CTNND1: variants seen among roughly 807,000 people sequenced by gnomAD.
The protein encoded by CTNND1 is catenin delta-1.
CTNND1 carries 16 observed loss-of-function variants against 112.1 expected under a neutral mutation model. The ratio of observed to expected loss-of-function variants is 0.14; its 90% CI spans 0.10 to 0.22. The LOEUF (loss-of-function observed/expected upper bound fraction) is 0.22, where lower values mean the gene tolerates loss of function less well. CTNND1 is among the 10% of genes least tolerant of loss of function. The pLI, the probability that CTNND1 is intolerant of heterozygous loss-of-function variation, is 1.00. For missense variants in CTNND1, 1,008 were observed against 1,257.0 expected (o/e 0.80, Z 3.00); for synonymous variants, 420 against 446.5 (o/e 0.94, Z 0.75).
At chr11:57,801,515 G>C (rs1195005878) in intron 6 of CTNND1, among the ~76,000 whole-genome samples, 1 of 152,146 alleles carries the variant, frequency 6.6e-6, no homozygotes, top group Non-Finnish European at 1.5e-5. Context: ...AAAAAATGTA[G>C]TTTTAATTAA....
chr11:57,762,284 C>T lies in CTNND1; in HGVS notation c.-214+165C>T, dbSNP rs1052586358. ...AAGACCTAGAAACAAACTTCTAGGT[C>T]TCTTTAATACAGGAAGCTGAATAGA... is the stretch of plus-strand genomic sequence containing the variant. On this transcript the variant is annotated intron_variant, in intron 1 of 20. Transcript: ENST00000399050. Among the ~76,000 whole-genome samples the T allele has an allele frequency of 2.0e-5, 3 of 152,256 alleles. No individual in the cohort carries two copies. In the East Asian group the frequency reaches 5.8e-4, roughly 29 times the overall value.
At position 57,796,938 on chromosome 11, in the gene CTNND1, A is replaced by T; in HGVS notation, c.902A>T (p.Asp301Val). Residue 301 changes from aspartate to valine, a missense_variant, in exon 6 of 21, where the codon GAT (aspartate) becomes GTT (valine). Coordinates refer to ENST00000399050, the MANE Select transcript of CTNND1 (RefSeq NM_001085458.2). ...YDDLDYGMMS[D>V]YGTARRTGTP... is the part of the protein sequence containing the mutation. Reference sequence around the variant, plus strand: ...GACCTGGATTATGGTATGATGTCTGATTATGGCACTGCCCGTCGGACTGGG... The same window carrying T: ...GACCTGGATTATGGTATGATGTCTGTTTATGGCACTGCCCGTCGGACTGGG... The T allele has an allele frequency of 6.4e-7, 1 of 1,552,278 alleles. No homozygotes were observed. Among genetic ancestry groups the T allele is most frequent in the Non-Finnish European group, 8.8e-7 (1 of 1,142,172 alleles).
intron 12 of CTNND1, among the ~76,000 whole-genome samples, chr11:57,807,733 A>G (rs1397982055): frequency 6.6e-6 from 1 of 152,110 alleles, no homozygotes; most frequent in Non-Finnish European, 1.5e-5. Flanking sequence ...TAAAAATTGT[A>G]AACGTTTAAT....
rs1288835392 is a variant in CTNND1 at position 57,796,746 on chromosome 11, T to C, written c.710T>C (p.Ile237Thr). ...GGCAGTCTGTCCCGGGTGACCCGCA[T>C]TGAGGAGCGGTATAGGCCCAGCATG... ...NYGSLSRVTR[I>T]EERYRPSMEG... Residue 237 changes from isoleucine to threonine, a missense_variant, in exon 6 of 21, where the codon ATT becomes ACT. Ile to Thr is a moderately conservative substitution (Grantham distance 89, BLOSUM62 -1). Around this residue, in one of 5 missense-constraint regions of CTNND1, gnomAD observed 404 missense variants for 457.9 expected, o/e 0.88. Transcript: ENST00000399050. 2 of 1,613,660 alleles carry C rather than the reference T, an allele frequency of 1.2e-6. No individual in the cohort carries two copies. Among genetic ancestry groups the C allele is most frequent in the African/African-American group, 2.7e-5 (2 of 74,912 alleles).
At chr11:57,779,850 C>T (rs1396821726) in intron 1 of CTNND1, among the ~76,000 whole-genome samples, 2 of 151,978 alleles carry the variant, frequency 1.3e-5, no homozygotes, top group Non-Finnish European at 2.9e-5. Context: ...CACCTTTCCT[C>T]CTGAGTACTA....
chr11:57,800,727 A>T (rs1177854367), intron 6 of CTNND1, among the ~76,000 whole-genome samples: 1 of 152,186 alleles, frequency 6.6e-6, no homozygotes, highest in East Asian at 1.9e-4. Context: ...TTTGTAGAAC[A>T]AACAATGGCT....
Position 57,814,291 on chromosome 11 carries a change from A to T in CTNND1, c.2639-20A>T. The stretch of plus-strand genomic sequence containing the variant: ...TTGAAGAATTGTTTTTGACATGGAT[A>T]ACTTTCTGACTTCATACAGATAAGA... On this transcript the variant is annotated intron_variant, in intron 17 of 20. Coordinates refer to ENST00000399050, the MANE Select transcript of CTNND1 (RefSeq NM_001085458.2). 1.3e-6 allele frequency: 2 copies of T among 1,593,636 alleles called. No homozygotes were observed. Among genetic ancestry groups the T allele is most frequent in the Non-Finnish European group, 1.7e-6 (2 of 1,164,076 alleles).
chr11:57,764,126 A>T (rs1950507745), intron 1 of CTNND1: 1 of 152,086 alleles, frequency 6.6e-6, no homozygotes, highest in African/African-American at 2.4e-5. Flanking sequence ...GTAAAAAATG[A>T]TGATAGGTAA....
rs756510427 is a variant in CTNND1 at position 57,807,015 on chromosome 11, A to G, written c.1963+32A>G. ...TATCTTCTCAGTCTCCAAAGGTCTC[A>G]TAAACATAGTACAAAGATAAGATAT... On this transcript the variant is annotated intron_variant, in intron 12 of 20. Transcript: ENST00000399050. The G allele has an allele frequency of 5.3e-6, 8 of 1,504,352 alleles. No homozygotes were observed. In the South Asian group the frequency reaches 9.5e-5, roughly 18 times the overall value. 93.2% of individuals were successfully genotyped at this position (1,504,352 alleles called of 1,614,324 possible). A position where few individuals can be genotyped will look rare whatever the true frequency, so the allele number is the denominator to read the frequency against.
At chr11:57,772,524 A>G (rs1952952101) in intron 1 of CTNND1, among the ~76,000 whole-genome samples, 1 of 152,088 alleles carries the variant, frequency 6.6e-6, no homozygotes, top group Non-Finnish European at 1.5e-5. Context: ...TCTGTCTTGC[A>G]CATTGGGAGA....
intron 1 of CTNND1, among the ~76,000 whole-genome samples, chr11:57,770,169 A>G (rs1952197032): frequency 6.6e-6 from 1 of 151,792 alleles, no homozygotes; most frequent in Non-Finnish European, 1.5e-5. Context: ...GTCTCTACTA[A>G]AAATACAAAA....
Position 57,776,027 on chromosome 11 carries a change from C to T in CTNND1, c.-213-13010C>T, listed in dbSNP as rs182071738. ...GGAAGAAACTGAAACTCATTTGACA[C>T]GGAGCGGGGTAAGTTGTGGAAAGGA... On this transcript the variant is annotated intron_variant, in intron 1 of 20. Coordinates refer to ENST00000399050, the MANE Select transcript of CTNND1 (RefSeq NM_001085458.2). Among the ~76,000 whole-genome samples the T allele has an allele frequency of 2.2e-4, 34 of 152,216 alleles. No individual in the cohort carries two copies. In the East Asian group the frequency reaches 3.1e-3, roughly 14 times the overall value.
At chr11:57,791,725 A>T in intron 3 of CTNND1, 52 bp downstream of exon 3, 2 of 1,473,674 alleles carry the variant, frequency 1.4e-6, no homozygotes, top group Non-Finnish European at 1.8e-6. Flanking sequence ...ATGGTCACAG[A>T]GAGGCTATGA....
In CTNND1 at chr11:57,788,707, GT is replaced by G. The variant is rs1180390700; in HGVS notation, c.-213-323del. On this transcript the variant is annotated intron_variant, in intron 1 of 20. Transcript: ENST00000399050. The surrounding 1 kb of genome is among the most constrained non-coding windows in gnomAD (Gnocchi z 4.1). ...GAGGGGGAAGGGCATTCCAACAGCA[GT>G]TTTTTTCTTTTTCCCCAATTTGGTT... Among the ~76,000 whole-genome samples the G allele has an allele frequency of 6.6e-6, 1 of 152,088 alleles. No individual in the cohort carries two copies. Among genetic ancestry groups the G allele is most frequent in the Non-Finnish European group, 1.5e-5 (1 of 68,008 alleles).
rs79623260 is a variant in CTNND1, at chr11:57,792,409, C to T, written c.195+736C>T. Among the ~76,000 whole-genome samples the T allele has an allele frequency of 9.3e-4, 141 of 152,272 alleles. 5 individuals carry two copies. In the East Asian group the frequency reaches 0.023, roughly 25 times the overall value. ...GTAATCTGTCTGAGGTTTTGTCTGT[C>T]TTCCTCTGTGTGTGTGTGCGTGTGT... On this transcript the variant is annotated intron_variant, in intron 3 of 20. Coordinates refer to ENST00000399050, the MANE Select transcript of CTNND1 (RefSeq NM_001085458.2).
chr11:57,782,981 G>T (rs2059736952), intron 1 of CTNND1, among the ~76,000 whole-genome samples: 1 of 152,212 alleles, frequency 6.6e-6, no homozygotes, highest in Non-Finnish European at 1.5e-5. Flanking sequence ...GAACTGTTCT[G>T]ACTGAGCATG....
At chr11:57,811,152 C>G (rs905722806) in intron 16 of CTNND1, among the ~76,000 whole-genome samples, 5 of 152,044 alleles carry the variant, frequency 3.3e-5, no homozygotes, top group African/African-American at 4.8e-5. Context: ...TTTTACTATT[C>G]TCTGAAACTG....
At chr11:57,794,884 A>C (rs1157111529) in intron 4 of CTNND1, among the ~76,000 whole-genome samples, 2 of 119,708 alleles carry the variant, frequency 1.7e-5, no homozygotes, top group Non-Finnish European at 3.9e-5. Flanking sequence ...ACTCCGTCTC[A>C]AAAAAAAAAA....
At chr11:57,779,547 C>A (rs141573956) in intron 1 of CTNND1, among the ~76,000 whole-genome samples, 5 of 152,192 alleles carry the variant, frequency 3.3e-5, no homozygotes, top group African/African-American at 1.2e-4. Context: ...AGGACAGCTG[C>A]CCTAGAGGCA....
Sources: gnomAD v4.1 joint callset for allele counts (sites outside exome capture counted in the v4.1 genomes callset) on GRCh38, gnomAD v4.1.1 for gene constraint, gnomAD v4.1.1 regional missense constraint, Gnocchi (gnomAD v3.1) non-coding constraint, MANE v1.5 for transcripts, NCBI Gene and HGNC (gene_info 2026-07-23, HGNC 2026-07-21) for gene names.